Variants in TTLL5 observed in about 807,000 individuals in gnomAD.
TTLL5 encodes the protein tubulin polyglutamylase TTLL5.
Under a neutral mutation model 168.4 loss-of-function variants are expected in TTLL5, and 132 were observed. That is an observed-to-expected ratio of 0.78 (90% CI 0.68 to 0.91). The LOEUF is 0.91. TTLL5 is among the 40% of genes least tolerant of loss of function. TTLL5 has a pLI of 0.00. For missense variants in TTLL5, 1,545 were observed against 1,581.5 expected (o/e 0.98, Z 0.39); for synonymous variants, 546 against 558.6 (o/e 0.98, Z 0.32).
intron 31 of TTLL5, among the ~76,000 whole-genome samples, chr14:75,944,599 A>G (rs1026487023): frequency 1.3e-5 from 2 of 152,208 alleles, no homozygotes; most frequent in African/African-American, 4.8e-5. Context: ...GAGTCAGGAA[A>G]GGTTACAGTA....
At position 75,707,747 on chromosome 14, in the gene TTLL5, A is replaced by T. The variant is rs548578029; in HGVS notation, c.740+40A>T. On this transcript the variant is annotated intron_variant, in intron 9 of 31. Coordinates refer to ENST00000298832, the MANE Select transcript of TTLL5 (RefSeq NM_015072.5). ...GGGGGTGAAGGGGTTGGGTGGGTAT[A>T]TTAAGGGTGGGTATATTAAGAGTGG... 205 of 1,473,640 alleles carry T rather than the reference A, an allele frequency of 1.4e-4. 3 individuals carry two copies. The South Asian group carries it at 1.6e-3, about 12-fold the overall frequency. The allele number at this position is 1,473,640 out of a possible 1,614,324, so 91.3% of individuals were successfully genotyped here. A position where few individuals can be genotyped will look rare whatever the true frequency, so the allele number is the denominator to read the frequency against.
chr14:75,843,877 G>GTTTTGTTTTGTTTTATTTTATTTTA (rs1208784264), intron 28 of TTLL5, among the ~76,000 whole-genome samples: 3,682 of 130,600 alleles, frequency 0.028, 62 homozygotes, highest in Middle Eastern at 0.043. Context: ...GTTTTGTTTT[G>GTTTTGTTTTGTTTTATTTTATTTTA]TTTTATTTTA....
chr14:75,751,494 C>A (rs539638605), intron 17 of TTLL5, among the ~76,000 whole-genome samples: 2 of 152,150 alleles, frequency 1.3e-5, no homozygotes, highest in Non-Finnish European at 2.9e-5. Flanking sequence ...TGCAGAGACG[C>A]TGGACAAAGG....
chr14:75,871,571 A>G (rs1401706593), intron 29 of TTLL5, among the ~76,000 whole-genome samples: 2 of 152,162 alleles, frequency 1.3e-5, no homozygotes, highest in Admixed American at 1.3e-4. Flanking sequence ...TCTTTAAAAA[A>G]AAAAAAAAAG....
intron 31 of TTLL5, among the ~76,000 whole-genome samples, chr14:75,935,444 G>T (rs940488293): frequency 2.0e-5 from 3 of 152,162 alleles, no homozygotes; most frequent in African/African-American, 7.2e-5. Flanking sequence ...GCTGTTTCCT[G>T]TTATCTCCAG....
intron 12 of TTLL5, among the ~76,000 whole-genome samples, chr14:75,729,830 A>G (rs185957266): frequency 3.9e-5 from 6 of 152,216 alleles, no homozygotes; most frequent in African/African-American, 1.4e-4. Context: ...TCTCTAGGTC[A>G]TTTTCCCCCC....
intron 3 of TTLL5, among the ~76,000 whole-genome samples, chr14:75,676,292 C>G (rs1884149139): frequency 6.6e-6 from 1 of 152,172 alleles, no homozygotes; most frequent in South Asian, 2.1e-4. Flanking sequence ...AAATAACCAT[C>G]ATTACCAGGT....
At chr14:75,686,029 A>G (rs898158073) in intron 5 of TTLL5, among the ~76,000 whole-genome samples, 1 of 152,206 alleles carries the variant, frequency 6.6e-6, no homozygotes, top group Admixed American at 6.5e-5. Flanking sequence ...TCTGCTCTGG[A>G]TTTCAGAAGA....
chr14:75,828,531 C>A (rs1277942399), intron 28 of TTLL5, among the ~76,000 whole-genome samples: 2 of 152,158 alleles, frequency 1.3e-5, no homozygotes, highest in African/African-American at 4.8e-5. Flanking sequence ...ATCCGTAAGG[C>A]TTCCGGTCAA....
chr14:75,831,511 C>G (rs1034381058), intron 28 of TTLL5, among the ~76,000 whole-genome samples: 2 of 152,182 alleles, frequency 1.3e-5, no homozygotes, highest in African/African-American at 4.8e-5. Flanking sequence ...CTACTGCCCA[C>G]AGCCACCGCC....
At chr14:75,737,659 A>G (rs1566582163) in intron 15 of TTLL5, 19 of 1,509,680 alleles carry the variant, frequency 1.3e-5, no homozygotes, top group Non-Finnish European at 1.6e-5. Context: ...TCATTCTCCA[A>G]ATGGAAAGTT....
chr14:75,813,258 CTGTGTGTGTGTTTGTGTGTG>C (rs1311213036), intron 27 of TTLL5, among the ~76,000 whole-genome samples: 2 of 116,594 alleles, frequency 1.7e-5, no homozygotes, highest in African/African-American at 6.7e-5. Flanking sequence ...TATCCAGGCA[CTGTGTGTGTGTTTGTGTGTG>C]TGTGTGTGTG....
chr14:75,898,667 G>C (rs2032784132), intron 30 of TTLL5, among the ~76,000 whole-genome samples: 1 of 151,952 alleles, frequency 6.6e-6, no homozygotes, highest in Non-Finnish European at 1.5e-5. Context: ...AAAATACATA[G>C]TTTATACAAC....
In TTLL5 at chr14:75,782,497, G is replaced by A; in HGVS notation, c.2526G>A (p.Glu842=). The change falls in exon 25 of 32, where the codon GAG becomes GAA. Residue 842 remains glutamate (E), a synonymous_variant. Coordinates refer to ENST00000298832, the MANE Select transcript of TTLL5 (RefSeq NM_015072.5). Reference sequence around the variant, plus strand: ...TATTTCTTATTTCAGATCACCCTGAGACTATAATGGAAGAAGTGAAAATAA... The same window carrying A: ...TATTTCTTATTTCAGATCACCCTGAAACTATAATGGAAGAAGTGAAAATAA... ...SDSGAKGDHP[E]TIMEEVKIKP... 1 of 1,613,470 alleles carries A rather than the reference G, an allele frequency of 6.2e-7. No individual in the cohort carries two copies. Among genetic ancestry groups the A allele is most frequent in the Non-Finnish European group, 8.5e-7 (1 of 1,179,636 alleles).
chr14:75,718,548 G>A (rs543517842), intron 10 of TTLL5, among the ~76,000 whole-genome samples: 6 of 152,154 alleles, frequency 3.9e-5, no homozygotes, highest in Non-Finnish European at 7.3e-5. Context: ...AAGTAGTACC[G>A]AAGTGTTAAT....
chr14:75,840,487 G>A (rs779549502), intron 28 of TTLL5, among the ~76,000 whole-genome samples: 7 of 151,686 alleles, frequency 4.6e-5, no homozygotes, highest in Non-Finnish European at 8.8e-5. Flanking sequence ...AACATGCGGT[G>A]TTTGGCTTTC....
chr14:75,760,554 G>A lies in TTLL5; in HGVS notation c.1551-4061G>A, dbSNP rs145861945. Among the ~76,000 whole-genome samples, 15 of 151,982 alleles carry A rather than the reference G, an allele frequency of 9.9e-5. No individual in the cohort carries two copies. In the East Asian group the frequency reaches 2.5e-3, roughly 25 times the overall value. On this transcript the variant is annotated intron_variant, in intron 18 of 31. Transcript: ENST00000298832. ...AAAGTAATCTTGAAAAAGACTTAAC[G>A]TACTTGACCTAAATACTGTAATTCT...
At chr14:75,804,364 C>T (rs1289174331) in intron 27 of TTLL5, among the ~76,000 whole-genome samples, 4 of 152,186 alleles carry the variant, frequency 2.6e-5, no homozygotes, top group East Asian at 3.9e-4. Context: ...CAGCTAACAC[C>T]GTAAGGGTCC....
intron 28 of TTLL5, among the ~76,000 whole-genome samples, chr14:75,831,634 G>A (rs1289946538): frequency 6.6e-6 from 1 of 152,172 alleles, no homozygotes. Context: ...CAGGGAAGCC[G>A]TGGCTAGCAG....
Sources: gnomAD v4.1 joint callset for allele counts (sites outside exome capture counted in the v4.1 genomes callset) on GRCh38, gnomAD v4.1.1 for gene constraint, MANE v1.5 for transcripts, NCBI Gene and HGNC (gene_info 2026-07-23, HGNC 2026-07-21) for gene names.